PCDH11X: variants seen among roughly 807,000 people sequenced by gnomAD.
PCDH11X encodes protocadherin 11 X-linked.
PCDH11X carries 18 observed loss-of-function variants against 53.3 expected under a neutral mutation model. The observed-to-expected ratio is 0.34, with a 90% CI of 0.23 to 0.50. The LOEUF (loss-of-function observed/expected upper bound fraction) is 0.50, where lower values mean the gene tolerates loss of function less well. PCDH11X is among the 20% of genes least tolerant of loss of function. The probability of loss-of-function intolerance (pLI) is 0.98; values close to 1 mark genes in which losing one functional copy is unlikely to be tolerated. For missense variants in PCDH11X, 570 were observed against 1,032.4 expected (o/e 0.55, Z 6.14); for synonymous variants, 279 against 393.3 (o/e 0.71, Z 3.44).
intron 6 of PCDH11X, among the ~76,000 whole-genome samples, chrX:92,196,867 TGA>T (rs936366625): frequency 3.6e-5 from 4 of 109,865 alleles, no homozygotes; most frequent in Non-Finnish European, 7.6e-5. Flanking sequence ...GGAGAGAGAT[TGA>T]GAGAGAGAGA....
At chrX:92,262,226 C>G (rs1911637764) in intron 7 of PCDH11X, among the ~76,000 whole-genome samples, 1 of 111,298 alleles carries the variant, frequency 9.0e-6, no homozygotes, top group African/African-American at 3.3e-5. Flanking sequence ...CAAGCCTACT[C>G]TCTTGACAAT....
At chrX:92,604,677 G>A (rs1926598673) in intron 10 of PCDH11X, among the ~76,000 whole-genome samples, 1 of 110,873 alleles carries the variant, frequency 9.0e-6, no homozygotes, top group African/African-American at 3.3e-5. Flanking sequence ...TACAAAATAA[G>A]ATCTGAATAT....
chrX:92,429,264 A>T (rs1334126608), intron 9 of PCDH11X, among the ~76,000 whole-genome samples: 1 of 110,680 alleles, frequency 9.0e-6, no homozygotes, highest in Non-Finnish European at 1.9e-5. Flanking sequence ...GCAAACTAAG[A>T]TAAGCAAATT....
rs2073021756 is a variant in PCDH11X, at chrX:92,460,717, G to C, written c.3344-7582G>C. The C allele has an allele frequency of 2.9e-6, 3 of 1,036,324 alleles. No homozygotes were observed. The East Asian group carries it at 9.4e-5, about 33-fold the overall frequency. The allele number at this position is 1,036,324 out of a possible 1,213,427, so 85.4% of individuals were successfully genotyped here. A position where few individuals can be genotyped will look rare whatever the true frequency, so the allele number is the denominator to read the frequency against. The stretch of plus-strand genomic sequence containing the variant: ...TGGAGTCAGAGCTGGCACAGACCCG[G>C]GCAGAGAGACAGTGCCAGGCCCAGG... On this transcript the variant is annotated intron_variant, in intron 9 of 10. Coordinates refer to ENST00000682573, the MANE Select transcript of PCDH11X (RefSeq NM_032968.5).
At chrX:92,134,366 G>C (rs1220193912) in intron 6 of PCDH11X, among the ~76,000 whole-genome samples, 1 of 111,121 alleles carries the variant, frequency 9.0e-6, no homozygotes, top group Admixed American at 9.7e-5. Context: ...TTCCCAGCTT[G>C]ACATTTCTTT....
chrX:92,042,634 CTTTTTTTTTT>C (rs3865918), intron 6 of PCDH11X, among the ~76,000 whole-genome samples: 2 of 59,170 alleles, frequency 3.4e-5, no homozygotes, highest in Non-Finnish European at 5.7e-5. Flanking sequence ...AAAGTTGTTG[CTTTTTTTTTT>C]TTTTTTTTTT....
intron 9 of PCDH11X, among the ~76,000 whole-genome samples, chrX:92,396,087 T>A (rs1250819343): frequency 9.5e-6 from 1 of 104,842 alleles, no homozygotes; most frequent in African/African-American, 3.5e-5. Flanking sequence ...TGAATGATAA[T>A]GATCTCTATG....
At chrX:92,204,805 T>A (rs1180532175) in intron 7 of PCDH11X, among the ~76,000 whole-genome samples, 1 of 111,988 alleles carries the variant, frequency 8.9e-6, no homozygotes, top group Non-Finnish European at 1.9e-5. Context: ...TTTAATTGAC[T>A]CACATTTCCC....
chrX:92,056,500 T>C (rs2063451662), intron 6 of PCDH11X, among the ~76,000 whole-genome samples: 1 of 111,710 alleles, frequency 9.0e-6, no homozygotes, highest in Admixed American at 9.6e-5. Flanking sequence ...AACTCTTTGA[T>C]AGTTTCTTTT....
At chrX:92,094,912 A>C (rs1357205484) in intron 6 of PCDH11X, among the ~76,000 whole-genome samples, 1 of 111,680 alleles carries the variant, frequency 9.0e-6, no homozygotes, top group Non-Finnish European at 1.9e-5. Flanking sequence ...TTATGATGTC[A>C]CTCCACAAAC....
rs186457630 is a variant in PCDH11X, at chrX:92,345,594, G to A, written c.3145-42141G>A. Among the ~76,000 whole-genome samples, 88 of 111,102 alleles carry A rather than the reference G, an allele frequency of 7.9e-4. 3 individuals carry two copies. The East Asian group carries it at 0.022, about 28-fold the overall frequency. On this transcript the variant is annotated intron_variant, in intron 8 of 10. Transcript: ENST00000682573. ...CAGATTTTATTAAATCCAGAATAAC[G>A]TTAATTTTTAATTTGTATTTGTTTT... is the stretch of plus-strand genomic sequence containing the variant.
At chrX:92,318,955 T>G in intron 8 of PCDH11X, among the ~76,000 whole-genome samples, 1 of 112,139 alleles carries the variant, frequency 8.9e-6, no homozygotes, top group East Asian at 2.8e-4. Context: ...ACTATGACTG[T>G]CTTTATATAG....
intron 7 of PCDH11X, among the ~76,000 whole-genome samples, chrX:92,239,052 A>G (rs1057000469): frequency 9.0e-6 from 1 of 111,475 alleles, no homozygotes; most frequent in Non-Finnish European, 1.9e-5. Flanking sequence ...GCCAGATATT[A>G]TCAGCCTTTA....
At chrX:91,949,532 A>T (rs2061613990) in intron 6 of PCDH11X, among the ~76,000 whole-genome samples, 1 of 110,465 alleles carries the variant, frequency 9.1e-6, no homozygotes, top group Non-Finnish European at 1.9e-5. Flanking sequence ...AGTTTGATGG[A>T]GTGGAAAAAT....
Position 92,151,337 on chromosome X carries a change from G to C in PCDH11X, c.3034-50038G>C, listed in dbSNP as rs2148239826. Among the ~76,000 whole-genome samples the C allele has an allele frequency of 3.7e-5, 4 of 109,280 alleles. No individual in the cohort carries two copies. The East Asian group carries it at 1.2e-3, about 32-fold the overall frequency. 94.9% of individuals were successfully genotyped at this position (109,280 alleles called of 115,157 possible). A position where few individuals can be genotyped will look rare whatever the true frequency, so the allele number is the denominator to read the frequency against. Reference sequence around the variant, plus strand: ...CCTTCCGAGTAGCTGGGACTACAGGGGCCCGCCACCGTGCCTGGCTAATTT... The same window carrying C: ...CCTTCCGAGTAGCTGGGACTACAGGCGCCCGCCACCGTGCCTGGCTAATTT... On this transcript the variant is annotated intron_variant, in intron 6 of 10. Coordinates refer to ENST00000682573, the MANE Select transcript of PCDH11X (RefSeq NM_032968.5).
chrX:92,104,363 A>G (rs1448793085), intron 6 of PCDH11X, among the ~76,000 whole-genome samples: 1 of 110,611 alleles, frequency 9.0e-6, no homozygotes, highest in African/African-American at 3.3e-5. Flanking sequence ...TACTGAGGGG[A>G]CAGGCGGGAG....
At chrX:92,349,981 C>A (rs1342667232) in intron 8 of PCDH11X, among the ~76,000 whole-genome samples, 2 of 109,949 alleles carry the variant, frequency 1.8e-5, no homozygotes, top group Non-Finnish European at 3.8e-5. Context: ...GACATAACCC[C>A]TTCGTAAGTC....
At chrX:92,047,557 A>C (rs1441669317) in intron 6 of PCDH11X, among the ~76,000 whole-genome samples, 2 of 107,186 alleles carry the variant, frequency 1.9e-5, no homozygotes, top group East Asian at 6.0e-4. Context: ...ATTTATTGAA[A>C]GCTGACATAT....
intron 7 of PCDH11X, among the ~76,000 whole-genome samples, chrX:92,213,345 A>G (rs955945403): frequency 9.0e-6 from 1 of 111,712 alleles, no homozygotes; most frequent in African/African-American, 3.2e-5. Context: ...TAATAATTTC[A>G]ATTTATTCAG....
Sources: gnomAD v4.1 joint callset for allele counts (sites outside exome capture counted in the v4.1 genomes callset) on GRCh38, gnomAD v4.1.1 for gene constraint, MANE v1.5 for transcripts, NCBI Gene and HGNC (gene_info 2026-07-23, HGNC 2026-07-21) for gene names.